Variants in TMEM272 observed in about 807,000 individuals in gnomAD.
TMEM272 encodes the protein transmembrane protein 272.
A neutral mutation model predicts 3.7 loss-of-function variants in TMEM272; 8 were observed. That is an observed-to-expected ratio of 2.17 (90% CI 1.27 to 3.91). TMEM272 has a LOEUF of 3.91. Among genes scored for constraint, TMEM272 ranks in the 30% most tolerant of loss-of-function variants. The pLI is 0.00. For missense variants in TMEM272, 166 were observed against 91.5 expected (o/e 1.81, Z -3.32); for synonymous variants, 63 against 39.8 (o/e 1.58, Z -2.20).
chr13:51,932,949 G>A, the TMEM272 span: 1 of 152,220 alleles, frequency 6.6e-6, no homozygotes, highest in Non-Finnish European at 1.5e-5. Flanking sequence ...CTGACGGACA[G>A]CGGAAATGTG....
At chr13:51,853,472 T>C in the TMEM272 span, among the ~76,000 whole-genome samples, 1 of 152,006 alleles carries the variant, frequency 6.6e-6, no homozygotes, top group South Asian at 2.1e-4. Context: ...AAATGGATCA[T>C]CATAAAGGTC....
the TMEM272 span, among the ~76,000 whole-genome samples, chr13:51,924,429 C>T: frequency 6.6e-6 from 1 of 152,098 alleles, no homozygotes; most frequent in Non-Finnish European, 1.5e-5. Flanking sequence ...CTCTTTCCCC[C>T]AGTCCCAGGA....
At chr13:51,909,420 T>C in the TMEM272 span, 23 of 868,604 alleles carry the variant, frequency 2.6e-5, no homozygotes, top group Non-Finnish European at 4.2e-5. Context: ...GTTATTTTCC[T>C]CTACTATTAA....
chr13:51,921,475 G>C, the TMEM272 span: 1 of 152,266 alleles, frequency 6.6e-6, no homozygotes, highest in Admixed American at 6.5e-5. Flanking sequence ...TCAGTCTTCA[G>C]TGTCTAAGCT....
At chr13:51,899,857 T>C in the TMEM272 span, among the ~76,000 whole-genome samples, 2 of 152,210 alleles carry the variant, frequency 1.3e-5, no homozygotes, top group East Asian at 1.9e-4. Flanking sequence ...TCTTTACTTT[T>C]ATGGACAATT....
chr13:51,909,686 A>C, the TMEM272 span: 1 of 1,553,850 alleles, frequency 6.4e-7, no homozygotes. Context: ...GTTTCTTCAA[A>C]GCTCCTTTTG....
In TMEM272 at chr13:51,841,526, G is replaced by T. The variant is rs140956073; in HGVS notation, c.-23-2973C>A. On this transcript the variant is annotated intron_variant, in intron 1 of 4. Coordinates refer to ENST00000629372, the MANE Select transcript of TMEM272 (RefSeq NM_001351003.2). ...TTTCTACCTTGGGCCATTCCCTGGGGTAAGAGGTCACGCTTTAATCTCCTG... is the reference window on the plus strand; with the variant it reads ...TTTCTACCTTGGGCCATTCCCTGGGTTAAGAGGTCACGCTTTAATCTCCTG... Among the ~76,000 whole-genome samples the T allele has an allele frequency of 3.7e-3, 566 of 152,290 alleles. 2 individuals carry two copies. The highest frequency in any genetic ancestry group is 0.013 in the African/African-American group (552 of 41,546).
the TMEM272 span, among the ~76,000 whole-genome samples, chr13:51,914,620 A>C: frequency 1.3e-5 from 2 of 152,244 alleles, no homozygotes; most frequent in Admixed American, 1.3e-4. Context: ...TACTCTGGGC[A>C]ACTCCCACAA....
At chr13:51,920,577 C>G in the TMEM272 span, among the ~76,000 whole-genome samples, 2 of 152,292 alleles carry the variant, frequency 1.3e-5, no homozygotes, top group East Asian at 3.9e-4. Context: ...CCATCCTACC[C>G]ATGTGCACCA....
At chr13:51,926,829 T>TTATA in the TMEM272 span, among the ~76,000 whole-genome samples, 1 of 152,204 alleles carries the variant, frequency 6.6e-6, no homozygotes, top group South Asian at 2.1e-4. Flanking sequence ...TGTGATGCAT[T>TTATA]TATACTTCTA....
the TMEM272 span, among the ~76,000 whole-genome samples, chr13:51,921,911 C>CGTGTGT: frequency 7.9e-5 from 12 of 151,784 alleles, no homozygotes; most frequent in African/African-American, 2.7e-4. Flanking sequence ...CCACTGTGTG[C>CGTGTGT]GTGTGTGTGT....
chr13:51,848,257 C>T (rs755898765), upstream of TMEM272, among the ~76,000 whole-genome samples: 4 of 151,962 alleles, frequency 2.6e-5, no homozygotes, highest in East Asian at 1.9e-4. Flanking sequence ...AAAGTAGGTG[C>T]GATTAATACC....
At chr13:51,832,177 C>T (rs185659971) in intron 2 of TMEM272, among the ~76,000 whole-genome samples, 2 of 152,272 alleles carry the variant, frequency 1.3e-5, no homozygotes, top group East Asian at 1.9e-4. Context: ...GCTGCTCTCA[C>T]GACTGCTGAT....
the TMEM272 span, among the ~76,000 whole-genome samples, chr13:51,932,023 T>C: frequency 0.1 from 15,243 of 152,222 alleles, 1,098 homozygotes; most frequent in African/African-American, 0.21. Flanking sequence ...ACAATGTCTA[T>C]TTCCCTTTGA....
chr13:51,865,585 G>A, the TMEM272 span: 6 of 1,614,212 alleles, frequency 3.7e-6, no homozygotes, highest in Non-Finnish European at 5.1e-6. Context: ...GGGAAGAGAT[G>A]TGGACTTTCC....
At chr13:51,825,388 C>G (rs1470447191) in intron 3 of TMEM272, among the ~76,000 whole-genome samples, 1 of 152,162 alleles carries the variant, frequency 6.6e-6, no homozygotes, top group Non-Finnish European at 1.5e-5. Context: ...AGAAACCATT[C>G]TAAAGTGAAT....
the TMEM272 span, chr13:51,865,995 T>C: frequency 6.2e-7 from 1 of 1,613,548 alleles, no homozygotes; most frequent in Non-Finnish European, 8.5e-7. Flanking sequence ...AATGGCCACA[T>C]TGCCGGAGAG....
At chr13:51,908,835 C>T in the TMEM272 span, 1 of 1,439,358 alleles carries the variant, frequency 6.9e-7, no homozygotes, top group Non-Finnish European at 9.8e-7. Flanking sequence ...GTCCTGTTCC[C>T]ACGGAGGTGA....
chr13:51,909,365 G>A, the TMEM272 span: 15 of 874,004 alleles, frequency 1.7e-5, no homozygotes, highest in Non-Finnish European at 2.9e-5. Context: ...CAGTGGCATG[G>A]CTGATCATTT....
Sources: gnomAD v4.1 joint callset for allele counts (sites outside exome capture counted in the v4.1 genomes callset) on GRCh38, gnomAD v4.1.1 for gene constraint, MANE v1.5 for transcripts, NCBI Gene and HGNC (gene_info 2026-07-23, HGNC 2026-07-21) for gene names.